KANSL2: variants seen among roughly 807,000 people sequenced by gnomAD.
The protein encoded by KANSL2 is KAT8 regulatory NSL complex subunit 2.
In KANSL2, 34 loss-of-function variants were observed where a neutral mutation model predicts 55.6. The observed-to-expected ratio is 0.61, with a 90% CI of 0.46 to 0.81. KANSL2 has a LOEUF of 0.81. Among genes scored for constraint, KANSL2 ranks in the 40% least tolerant of loss-of-function variants. The pLI, the probability that KANSL2 is intolerant of heterozygous loss-of-function variation, is 0.00. For missense variants in KANSL2, 502 were observed against 609.9 expected, an observed-to-expected ratio of 0.82 and a Z score of 1.86; for synonymous variants, 209 against 214.3, an observed-to-expected ratio of 0.98 and a Z score of 0.22.
At chr12:48,665,241 G>C (rs1243376209) in intron 7 of KANSL2, among the ~76,000 whole-genome samples, 1 of 152,132 alleles carries the variant, frequency 6.6e-6, no homozygotes, top group Non-Finnish European at 1.5e-5. Context: ...AAAAGACTAA[G>C]AAGAGGTTCT....
chr12:48,668,198 T>G, intron 6 of KANSL2, among the ~76,000 whole-genome samples: 1 of 152,232 alleles, frequency 6.6e-6, no homozygotes, highest in East Asian at 1.9e-4. Context: ...TGACATTCAA[T>G]TGCTCCTATT....
chr12:48,667,664 C>A (rs551874736), intron 7 of KANSL2, 29 bp downstream of exon 7: 3 of 1,532,978 alleles, frequency 2.0e-6, no homozygotes, highest in Non-Finnish European at 2.7e-6. Flanking sequence ...TAGCAAACCA[C>A]AGCCTTAACA....
chr12:48,666,381 A>C (rs77538349), intron 7 of KANSL2, among the ~76,000 whole-genome samples: 5,365 of 150,766 alleles, frequency 0.036, 142 homozygotes, highest in African/African-American at 0.072. Flanking sequence ...TTGAAAATTG[A>C]CTCTACAAAA....
intron 6 of KANSL2, 85 bp downstream of exon 6, chr12:48,669,021 G>GT: frequency 9.2e-7 from 1 of 1,081,880 alleles, no homozygotes; most frequent in Non-Finnish European, 1.3e-6. Flanking sequence ...TCCAGCCCGA[G>GT]TGACAGTGCG....
chr12:48,675,288 C>A (rs976658498), intron 4 of KANSL2, among the ~76,000 whole-genome samples: 9 of 151,902 alleles, frequency 5.9e-5, no homozygotes, highest in Non-Finnish European at 5.9e-5. Flanking sequence ...CGCCTGTAGT[C>A]CCAGCTACTA....
chr12:48,657,354 G>A (rs981237020), intron 8 of KANSL2, among the ~76,000 whole-genome samples: 3 of 152,138 alleles, frequency 2.0e-5, no homozygotes, highest in African/African-American at 7.2e-5. Context: ...GAACCCAGGA[G>A]GCAGAGGTTG....
rs1319849054 is a variant in KANSL2 at position 48,655,125 on chromosome 12, T to C, written c.1228-65A>G. 3.3e-5 allele frequency: 50 copies of C among 1,502,534 alleles called. No homozygotes were observed. In the South Asian group the frequency reaches 4.8e-4, roughly 14 times the overall value. The allele number at this position is 1,502,534 out of a possible 1,614,324, so 93.1% of individuals were successfully genotyped here. ...AACAGTAATAAAGTTGGCATGTTTTTCAGCAAACTTTAAAGCAATACTCTG... is the reference window on the plus strand; with the variant it reads ...AACAGTAATAAAGTTGGCATGTTTTCCAGCAAACTTTAAAGCAATACTCTG... On this transcript the variant is annotated intron_variant, in intron 8 of 9. Transcript: ENST00000420613.
At chr12:48,662,725 G>GAAA in intron 7 of KANSL2, 1 of 1,039,078 alleles carries the variant, frequency 9.6e-7, no homozygotes, top group Non-Finnish European at 1.3e-6. Flanking sequence ...AGCATAAAAG[G>GAAA]AAAAAAAATA....
intron 6 of KANSL2, among the ~76,000 whole-genome samples, chr12:48,668,889 C>CTGGGCGCATGGTGG (rs1232637512): frequency 1.3e-5 from 2 of 151,860 alleles, no homozygotes; most frequent in African/African-American, 4.8e-5. Context: ...AAAACATTAG[C>CTGGGCGCATGGTGG]TGGGCGCATG....
At chr12:48,679,287 T>C in intron 3 of KANSL2, 137 bp from the exon 4 acceptor site, 1 of 708,788 alleles carries the variant, frequency 1.4e-6, no homozygotes, top group South Asian at 1.6e-5. Context: ...AGTACAAAGG[T>C]ACTGGCAAAT....
At chr12:48,667,483 A>G (rs1194803079) in intron 7 of KANSL2, 3 of 695,686 alleles carry the variant, frequency 4.3e-6, no homozygotes, top group African/African-American at 3.5e-5. Context: ...TGAATTGACC[A>G]TTACATTTCC....
In KANSL2 at chr12:48,660,438, G is replaced by A. The variant is rs369784114; in HGVS notation, c.1155C>T (p.Ala385=). Residue 385 remains alanine (A), a synonymous_variant, in exon 8 of 10, where the codon GCC becomes GCT. Transcript: ENST00000420613. ...CACTCAAGTACAGATCCATGGGGCC[G>A]GCTTCCAGATCGTCTGGCACAGACA... ...QVLSVPDDLE[A]GPMDLYLSAA... 3 of 1,613,890 alleles carry A rather than the reference G, an allele frequency of 1.9e-6. No individual in the cohort carries two copies. The highest frequency in any genetic ancestry group is 1.3e-5 in the African/African-American group (1 of 75,030).
At chr12:48,671,261 T>C (rs1939707700) in intron 5 of KANSL2, among the ~76,000 whole-genome samples, 1 of 122,506 alleles carries the variant, frequency 8.2e-6, no homozygotes, top group African/African-American at 3.2e-5. Context: ...TGAGACTCCA[T>C]GTCCGTCTCA....
intron 1 of KANSL2, 199 bp from the exon 2 acceptor site, chr12:48,681,840 C>A: frequency 1.4e-6 from 1 of 716,096 alleles, no homozygotes. Flanking sequence ...CCATGCCCGG[C>A]CCCACCCCGA....
intron 4 of KANSL2, among the ~76,000 whole-genome samples, chr12:48,676,982 C>T (rs1939833005): frequency 6.6e-6 from 1 of 152,080 alleles, no homozygotes; most frequent in Non-Finnish European, 1.5e-5. Flanking sequence ...AAGAATTTTA[C>T]TCAGTGGACA....
Position 48,681,475 on chromosome 12 carries a change from T to C in KANSL2, c.158A>G (p.Asp53Gly). Residue 53 changes from aspartate to glycine, a missense_variant, in exon 2 of 10, where the codon GAC becomes GGC. Physicochemically the swap from Asp to Gly is moderately conservative, Grantham distance 94. Transcript: ENST00000420613. Reference sequence around the variant, plus strand: ...ACACTGCTTGAAGGGTGCATTCTTGTCTTCAAGGATATGCTTAATGCAAAA... The same window carrying C: ...ACACTGCTTGAAGGGTGCATTCTTGCCTTCAAGGATATGCTTAATGCAAAA... ...QEFCIKHILE[D>G]KNAPFKQCSY... 5 of 1,613,998 alleles carry C rather than the reference T, an allele frequency of 3.1e-6. No individual in the cohort carries two copies. The highest frequency in any genetic ancestry group is 4.2e-6 in the Non-Finnish European group (5 of 1,179,884).
chr12:48,662,428 C>A, intron 7 of KANSL2: 1 of 952,108 alleles, frequency 1.1e-6, no homozygotes, highest in Middle Eastern at 3.5e-4. Flanking sequence ...TATTGGAATT[C>A]AAAGGACTTT....
At chr12:48,677,187 C>T (rs1334832214) in intron 4 of KANSL2, among the ~76,000 whole-genome samples, 1 of 152,038 alleles carries the variant, frequency 6.6e-6, no homozygotes, top group East Asian at 1.9e-4. Flanking sequence ...ATATTTGGGG[C>T]TTTATTTTCT....
chr12:48,681,371 T>A lies in KANSL2; in HGVS notation c.251+11A>T, dbSNP rs552321821. 3 of 1,602,780 alleles carry A rather than the reference T, an allele frequency of 1.9e-6. No homozygotes were observed. In the South Asian group the frequency reaches 3.3e-5, roughly 18 times the overall value. ...TTAAGAAAAACGACATATATATCTA[T>A]ACATATATACCCATCTTTCTTCTCT... On this transcript the variant is annotated intron_variant, in intron 2 of 9. Transcript: ENST00000420613.
Sources: allele counts gnomAD v4.1 joint callset (sites outside exome capture counted in the v4.1 genomes callset), GRCh38; gene constraint gnomAD v4.1.1; transcripts MANE v1.5; gene names NCBI Gene and HGNC (gene_info 2026-07-23, HGNC 2026-07-21).